The following SPATA13 variants were observed in gnomAD, a reference collection of about 807,000 sequenced individuals.
SPATA13 encodes the protein spermatogenesis associated 13.
SPATA13 carries 50 observed loss-of-function variants against 104.0 expected under a neutral mutation model. That is an observed-to-expected ratio of 0.48 (90% CI 0.38 to 0.61). SPATA13 has a LOEUF of 0.61. Among genes scored for constraint, SPATA13 ranks in the 20% least tolerant of loss-of-function variants. The pLI, the probability that SPATA13 is intolerant of heterozygous loss-of-function variation, is 0.00. For synonymous variants in SPATA13, 606 were observed against 667.5 expected (o/e 0.91, Z 1.42); for missense variants, 1,524 against 1,690.6 (o/e 0.90, Z 1.73).
intron 4 of SPATA13, chr13:24,270,547 G>T (rs150711978): frequency 6.0e-5 from 26 of 434,382 alleles, no homozygotes; most frequent in African/African-American, 4.9e-4. Flanking sequence ...GAAGGCTCTC[G>T]GCAGCACCTG....
rs532024492 is a variant in SPATA13, at chr13:24,220,555, C to T, written c.-111-2264C>T. On this transcript the variant is annotated intron_variant, in intron 1 of 12. Transcript: ENST00000382108. ...GATATCAAATGTTGAACTTACTTTG[C>T]AACTGGTTACAGGCTTCATATCCAG... is the stretch of plus-strand genomic sequence containing the variant. Among the ~76,000 whole-genome samples the T allele has an allele frequency of 7.3e-4, 111 of 152,356 alleles. 2 individuals carry two copies. The highest frequency in any genetic ancestry group is 2.5e-3 in the African/African-American group (105 of 41,576).
chr13:24,031,658 G>A (rs1172240418), intron 3 of SPATA13, among the ~76,000 whole-genome samples: 1 of 152,158 alleles, frequency 6.6e-6, no homozygotes, highest in Non-Finnish European at 1.5e-5. Context: ...GTCAGGCACT[G>A]TAGATGCAAA....
At chr13:24,260,518 A>C (rs1378476120) in intron 4 of SPATA13, among the ~76,000 whole-genome samples, 1 of 152,190 alleles carries the variant, frequency 6.6e-6, no homozygotes. Context: ...TATTATGATG[A>C]TATGGAACTG....
chr13:24,302,130 TC>T (rs1877229490), intron 12 of SPATA13, among the ~76,000 whole-genome samples: 1 of 152,140 alleles, frequency 6.6e-6, no homozygotes, highest in Non-Finnish European at 1.5e-5. Flanking sequence ...GTCCTGGCAT[TC>T]AGTTTCTTTC....
At chr13:23,992,614 G>T (rs140518640) in intron 2 of SPATA13, among the ~76,000 whole-genome samples, 134 of 152,272 alleles carry the variant, frequency 8.8e-4, no homozygotes, top group African/African-American at 3.0e-3. Flanking sequence ...TGTATGATGA[G>T]GTCTGAAGGG....
At chr13:24,072,948 G>A (rs772316534) in intron 3 of SPATA13, among the ~76,000 whole-genome samples, 7 of 150,216 alleles carry the variant, frequency 4.7e-5, no homozygotes, top group African/African-American at 1.7e-4. Flanking sequence ...AGGTAAACTC[G>A]CAAACTCTAT....
At chr13:24,285,680 CT>C (rs3067301) in intron 5 of SPATA13, among the ~76,000 whole-genome samples, 2,346 of 129,802 alleles carry the variant, frequency 0.018, 49 homozygotes, top group African/African-American at 0.062. Flanking sequence ...CCACATCTGG[CT>C]TTTTTTTTTT....
intron 3 of SPATA13, among the ~76,000 whole-genome samples, chr13:24,060,973 A>C (rs1213106141): frequency 6.6e-6 from 1 of 152,196 alleles, no homozygotes; most frequent in Non-Finnish European, 1.5e-5. Context: ...TTGGAGGCGG[A>C]GGTTGCAGTG....
At chr13:24,049,459 C>T (rs1878260765) in intron 3 of SPATA13, among the ~76,000 whole-genome samples, 2 of 152,296 alleles carry the variant, frequency 1.3e-5, no homozygotes, top group South Asian at 2.1e-4. Context: ...TGTGAGTACG[C>T]TCCGTGTTGT....
chr13:24,167,980 GT>G (rs1456374121), intron 1 of SPATA13, among the ~76,000 whole-genome samples: 1 of 152,034 alleles, frequency 6.6e-6, no homozygotes, highest in Non-Finnish European at 1.5e-5. Flanking sequence ...ACAAAGTAGG[GT>G]TTTTTTGGTC....
chr13:24,095,452 G>A (rs1880042856), intron 3 of SPATA13, among the ~76,000 whole-genome samples: 1 of 152,172 alleles, frequency 6.6e-6, no homozygotes, highest in Non-Finnish European at 1.5e-5. Flanking sequence ...AACGGGTACA[G>A]AGTTTTAGTT....
At chr13:24,237,224 G>A (rs1181152795) in intron 2 of SPATA13, among the ~76,000 whole-genome samples, 2 of 152,054 alleles carry the variant, frequency 1.3e-5, no homozygotes, top group African/African-American at 4.8e-5. Flanking sequence ...GGGCATAATG[G>A]TGGGTGCCTG....
rs376254629 is a variant in SPATA13, at chr13:24,302,760, C to A, written c.3821C>A (p.Pro1274His). 1.2e-5 allele frequency: 20 copies of A among 1,614,072 alleles called. No individual in the cohort carries two copies. The East Asian group carries it at 1.8e-4, about 14-fold the overall frequency. The change falls in exon 13 of 13, where the codon CCC becomes CAC. Residue 1274 changes from proline to histidine, a missense_variant. By Grantham distance (77) the Pro-to-His change is moderately conservative. This residue lies in a region of SPATA13 where 435 missense variants were observed against 554.8 expected (regional missense o/e 0.78). Transcript: ENST00000382108. ...LFWHTFNRLT[P>H]FRK ...TGGCACACCTTCAACAGGCTCACCC[C>A]CTTCCGGAAATGAAAACAGGAGGCT...
chr13:24,052,849 G>GCCCCCCCCCGCCCCCCGCCCCCCCCGCCC (rs1593300615), intron 3 of SPATA13, among the ~76,000 whole-genome samples: 1 of 42,998 alleles, frequency 2.3e-5, no homozygotes, highest in African/African-American at 1.0e-4. Flanking sequence ...CCGCCACTGT[G>GCCCCCCCCCGCCCCCCGCCCCCCCCGCCC]CCCTGCCCAC....
chr13:24,125,862 G>A (rs960168903), intron 3 of SPATA13, among the ~76,000 whole-genome samples: 2 of 152,204 alleles, frequency 1.3e-5, no homozygotes, highest in Non-Finnish European at 2.9e-5. Flanking sequence ...TTAACTGGAA[G>A]AGTAAGGAAA....
chr13:24,143,690 G>C (rs956286890), intron 3 of SPATA13, among the ~76,000 whole-genome samples: 1 of 152,122 alleles, frequency 6.6e-6, no homozygotes, highest in African/African-American at 2.4e-5. Flanking sequence ...AACCCGAAAC[G>C]TCCTCCAGGG....
chr13:24,263,424 AG>A (rs1231495774), intron 4 of SPATA13, among the ~76,000 whole-genome samples: 1 of 152,184 alleles, frequency 6.6e-6, no homozygotes, highest in African/African-American at 2.4e-5. Context: ...ACTCATGCCA[AG>A]GAATATTGGC....
At chr13:24,166,019 T>G (rs1447305867) in intron 1 of SPATA13, among the ~76,000 whole-genome samples, 1 of 152,008 alleles carries the variant, frequency 6.6e-6, no homozygotes, top group East Asian at 1.9e-4. Flanking sequence ...TCCTGGGGGG[T>G]GGAGTGCTCT....
At chr13:24,100,925 C>T (rs990309367) in intron 3 of SPATA13, among the ~76,000 whole-genome samples, 14 of 152,180 alleles carry the variant, frequency 9.2e-5, no homozygotes, top group African/African-American at 3.1e-4. Context: ...TGATATAAAT[C>T]TTCACTGGGT....
Sources: gnomAD v4.1 joint callset for allele counts (sites outside exome capture counted in the v4.1 genomes callset) on GRCh38, gnomAD v4.1.1 for gene constraint, gnomAD v4.1.1 regional missense constraint, MANE v1.5 for transcripts, NCBI Gene and HGNC (gene_info 2026-07-23, HGNC 2026-07-21) for gene names.